The following SORBS2 variants were observed in gnomAD, a reference collection of about 807,000 sequenced individuals.
SORBS2 encodes the protein sorbin and SH3 domain containing 2, also known as sorbin and SH3 domain-containing protein 2.
Under a neutral mutation model 97.7 loss-of-function variants are expected in SORBS2, and 46 were observed. The observed-to-expected ratio is 0.47, with a 90% CI of 0.37 to 0.60. The LOEUF is 0.60. SORBS2 is among the 20% of genes least tolerant of loss of function. The pLI is 0.00. For missense variants in SORBS2, 1,316 were observed against 1,282.3 expected, an observed-to-expected ratio of 1.03 and a Z score of -0.40; for synonymous variants, 476 against 473.4, an observed-to-expected ratio of 1.01 and a Z score of -0.07.
Position 185,826,999 on chromosome 4 carries a change from A to C in SORBS2, c.-337-51633T>G, listed in dbSNP as rs892077163. Among the ~76,000 whole-genome samples, 11 of 149,378 alleles carry C rather than the reference A, an allele frequency of 7.4e-5. No homozygotes were observed. The East Asian group carries it at 2.0e-3, about 27-fold the overall frequency. On this transcript the variant is annotated intron_variant, in intron 1 of 20. Coordinates refer to the SORBS2 transcript ENST00000284776. ...TTCTCCACTGCTACCACTGTACCCC[A>C]CCCCTGACTACGTCATCATCATCAT...
rs755506470 is a variant in SORBS2 at position 185,614,823 on chromosome 4, T to A, written c.2595+8A>T. On this transcript the variant is annotated splice_region_variant and intron_variant, in intron 11 of 14. Coordinates refer to ENST00000418609, the Ensembl canonical transcript of SORBS2. ...AAAAACAAACAAACAAAAAACCAGCTGGGCTACCTTTCTCAGTGACAGCTC... is the reference window on the plus strand; with the variant it reads ...AAAAACAAACAAACAAAAAACCAGCAGGGCTACCTTTCTCAGTGACAGCTC... 8.7e-6 allele frequency: 14 copies of A among 1,613,568 alleles called. No homozygotes were observed. The highest frequency in any genetic ancestry group is 1.1e-5 in the Non-Finnish European group (13 of 1,179,768).
At chr4:185,613,911 G>T (rs1056226253) in intron 11 of SORBS2, among the ~76,000 whole-genome samples, 1 of 151,950 alleles carries the variant, frequency 6.6e-6, no homozygotes, top group South Asian at 2.1e-4. Context: ...ATGAGACAAG[G>T]TTCTGCCAGG....
In SORBS2 at chr4:185,606,057, T is replaced by A; in HGVS notation, c.2796+5723A>T. The A allele has an allele frequency of 1.0e-6, 1 of 982,516 alleles. No individual in the cohort carries two copies. Among genetic ancestry groups the A allele is most frequent in the Non-Finnish European group, 1.2e-6 (1 of 827,256 alleles). 60.9% of individuals were successfully genotyped at this position (982,516 alleles called of 1,614,324 possible). ...TCGAAAGGGGACAGAAGTGCTGTTT[T>A]TCTTTTCTGTTGTCTTTGTTTATTA... On this transcript the variant is annotated intron_variant, in intron 12 of 14. Transcript: ENST00000418609. The surrounding 1 kb of genome is among the most constrained non-coding windows in gnomAD (Gnocchi z 4.3).
intron 4 of SORBS2, among the ~76,000 whole-genome samples, 166 bp from the exon 15 acceptor site, chr4:185,638,328 T>A (rs1175678605): frequency 6.6e-6 from 1 of 151,882 alleles, no homozygotes; most frequent in Admixed American, 6.6e-5. Flanking sequence ...GTAAAACGAG[T>A]AGCATGAGGA....
At chr4:185,710,423 T>C (rs577897725) in intron 2 of SORBS2, among the ~76,000 whole-genome samples, 3 of 152,358 alleles carry the variant, frequency 2.0e-5, no homozygotes, top group East Asian at 1.9e-4. Flanking sequence ...TTTATGTACA[T>C]GATTCTTTAA....
chr4:185,856,724 A>G (rs187919888), intron 1 of SORBS2, among the ~76,000 whole-genome samples: 3 of 152,300 alleles, frequency 2.0e-5, no homozygotes, highest in Admixed American at 6.5e-5. Context: ...TCAGGTTGCT[A>G]TAAGGAAATA....
chr4:185,710,730 G>A (rs4862563), intron 2 of SORBS2, among the ~76,000 whole-genome samples: 1 of 152,128 alleles, frequency 6.6e-6, no homozygotes, highest in Non-Finnish European at 1.5e-5. Flanking sequence ...TGATGGATTC[G>A]TCGTGGCTGC....
rs376831365 is a variant in SORBS2, at chr4:185,623,087, G to A, written c.2042C>T (p.Ala681Val). 13 of 1,613,986 alleles carry A rather than the reference G, an allele frequency of 8.1e-6. No individual in the cohort carries two copies. In the South Asian group the frequency reaches 1.2e-4, roughly 15 times the overall value. The stretch of plus-strand genomic sequence containing the variant: ...CTGGTGCAGGGGGCTCCTCCTCAGC[G>A]CTCTCAGGGATGAGTTCCTCTCGGG... The change falls in exon 7 of 15, where the codon GCG becomes GTG. Residue 681 changes from alanine to valine, a missense_variant. Transcript: ENST00000418609. The surrounding 1 kb of genome is among the most constrained non-coding windows in gnomAD (Gnocchi z 6.4).
At chr4:185,947,514 A>C (rs946531482) in intron 1 of SORBS2, among the ~76,000 whole-genome samples, 1 of 152,226 alleles carries the variant, frequency 6.6e-6, no homozygotes, top group African/African-American at 2.4e-5. Flanking sequence ...GTTCCAACCC[A>C]ACCTTCCAAT....
chr4:185,887,339 A>G (rs1466974867), intron 1 of SORBS2, among the ~76,000 whole-genome samples: 1 of 152,226 alleles, frequency 6.6e-6, no homozygotes, highest in Non-Finnish European at 1.5e-5. Flanking sequence ...TTGAAGAAAC[A>G]CACTTCCCTC....
chr4:185,699,557 G>A (rs1294655861), intron 2 of SORBS2, among the ~76,000 whole-genome samples: 1 of 152,118 alleles, frequency 6.6e-6, no homozygotes, highest in Non-Finnish European at 1.5e-5. Context: ...AAAGTGCTGG[G>A]ATTATGGGTG....
At chr4:185,782,027 C>T (rs1383320404) in intron 1 of SORBS2, among the ~76,000 whole-genome samples, 2 of 152,244 alleles carry the variant, frequency 1.3e-5, no homozygotes, top group African/African-American at 2.4e-5. Context: ...TTACATTCCT[C>T]CCGCAGGTAC....
chr4:185,854,805 G>T (rs1309468661), intron 1 of SORBS2, among the ~76,000 whole-genome samples: 5 of 151,634 alleles, frequency 3.3e-5, no homozygotes, highest in South Asian at 2.1e-4. Context: ...GAGAGAGAGA[G>T]AGAGAGAGAG....
chr4:185,684,726 G>T lies in SORBS2; in HGVS notation c.-197-5904C>A. 6.8e-7 allele frequency: 1 copy of T among 1,468,780 alleles called. No individual in the cohort carries two copies. The highest frequency in any genetic ancestry group is 9.3e-7 in the Non-Finnish European group (1 of 1,072,568). The allele number at this position is 1,468,780 out of a possible 1,614,324, so 91.0% of individuals were successfully genotyped here. On this transcript the variant is annotated intron_variant, in intron 2 of 20. Transcript: ENST00000284776. The surrounding 1 kb of genome is among the most constrained non-coding windows in gnomAD (Gnocchi z 4.2). ...GAAGAGCTAGAAGCCATTCAAGTGC[G>T]ACATTGTGTGAGTTAGTGATATTAT...
At chr4:185,768,620 A>G (rs1177408337) in intron 2 of SORBS2, among the ~76,000 whole-genome samples, 1 of 149,494 alleles carries the variant, frequency 6.7e-6, no homozygotes, top group Admixed American at 6.8e-5. Context: ...AATCACTTGA[A>G]CCTGGGAGGC....
chr4:185,773,184 T>C (rs1432506418), intron 2 of SORBS2: 1 of 152,150 alleles, frequency 6.6e-6, no homozygotes, highest in African/African-American at 2.4e-5. Flanking sequence ...TCTAGCAATA[T>C]ATTTGCACTC....
intron 2 of SORBS2, among the ~76,000 whole-genome samples, chr4:185,698,311 T>C (rs1477531400): frequency 6.6e-6 from 1 of 152,134 alleles, no homozygotes. Flanking sequence ...CCCCTGCCTC[T>C]ACTAAAATTC....
At chr4:185,674,910 A>G (rs2153493600) in intron 4 of SORBS2, among the ~76,000 whole-genome samples, 1 of 152,310 alleles carries the variant, frequency 6.6e-6, no homozygotes, top group South Asian at 2.1e-4. Context: ...CTCAATTTCC[A>G]TAATCTTCTA....
intron 4 of SORBS2, chr4:185,676,992 G>A: frequency 6.5e-7 from 1 of 1,549,236 alleles, no homozygotes; most frequent in Non-Finnish European, 8.7e-7. Context: ...AGAAGCTTAA[G>A]GTACCACTCT....
Sources: allele counts gnomAD v4.1 joint callset (sites outside exome capture counted in the v4.1 genomes callset), GRCh38; gene constraint gnomAD v4.1.1; non-coding constraint Gnocchi (gnomAD v3.1); transcripts MANE v1.5; gene names NCBI Gene and HGNC (gene_info 2026-07-23, HGNC 2026-07-21).